Variants in GPR39 observed in about 807,000 individuals in gnomAD.
GPR39 encodes G protein-coupled receptor 39.
GPR39 carries 23 observed loss-of-function variants against 18.4 expected under a neutral mutation model. The ratio of observed to expected loss-of-function variants is 1.25; its 90% confidence interval spans 0.90 to 1.77. The LOEUF is 1.77. GPR39 is among the 40% of genes most tolerant of loss of function. GPR39 has a pLI of 0.00. For missense variants in GPR39, 647 were observed against 602.4 expected, an observed-to-expected ratio of 1.07 and a Z score of -0.78; for synonymous variants, 280 against 257.9, an observed-to-expected ratio of 1.09 and a Z score of -0.82.
chr2:132,529,498 A>G (rs1573648685), intron 1 of GPR39, among the ~76,000 whole-genome samples: 1 of 152,338 alleles, frequency 6.6e-6, no homozygotes, highest in East Asian at 1.9e-4. Flanking sequence ...CAGCTTTGAA[A>G]AGAGTAGTGG....
At chr2:132,644,130 G>A (rs1417020930) in intron 1 of GPR39, among the ~76,000 whole-genome samples, 1 of 152,210 alleles carries the variant, frequency 6.6e-6, no homozygotes, top group African/African-American at 2.4e-5. Flanking sequence ...AAACTCTCAT[G>A]ATACCTGTGA....
chr2:132,634,762 C>T (rs1681718051), intron 1 of GPR39, among the ~76,000 whole-genome samples: 1 of 152,174 alleles, frequency 6.6e-6, no homozygotes, highest in Non-Finnish European at 1.5e-5. Context: ...GGAAGGGCCC[C>T]CCTCAGGTGA....
chr2:132,498,844 A>G lies in GPR39; in HGVS notation c.856+80946A>G, dbSNP rs141395122. ...TGCTGAGCATTTTTCCACATACTTA[A>G]TGGCCATTTGTGTATCTTCTTTTGA... On this transcript the variant is annotated intron_variant, in intron 1 of 1. Transcript: ENST00000329321. Among the ~76,000 whole-genome samples the G allele has an allele frequency of 3.9e-4, 60 of 152,142 alleles. 1 individual carries two copies. In the East Asian group the frequency reaches 9.7e-3, roughly 25 times the overall value.
At chr2:132,580,086 G>A (rs1483667111) in intron 1 of GPR39, among the ~76,000 whole-genome samples, 6 of 152,192 alleles carry the variant, frequency 3.9e-5, no homozygotes, top group African/African-American at 1.4e-4. Flanking sequence ...ACAAGTATGG[G>A]CTTTAGAGGC....
In GPR39 at chr2:132,645,669, ACT is replaced by A; in HGVS notation, c.*66_*67del. 1 of 1,550,054 alleles carries A rather than the reference ACT, an allele frequency of 6.5e-7. No homozygotes were observed. The highest frequency in any genetic ancestry group is 1.4e-5 in the African/African-American group (1 of 72,842). On this transcript the variant is annotated 3_prime_UTR_variant, in exon 2 of 2. Transcript: ENST00000329321. ...CCAGCCCTAAGAAAACGTCACTCTC[ACT>A]CTGCAGTCTCAAACTATGCCCCCAT...
At chr2:132,533,633 G>C (rs1273584158) in intron 1 of GPR39, among the ~76,000 whole-genome samples, 2 of 152,082 alleles carry the variant, frequency 1.3e-5, no homozygotes, top group African/African-American at 4.8e-5. Context: ...GCATGGTACT[G>C]GTACCACAAC....
chr2:132,606,003 C>T (rs1399080378), intron 1 of GPR39: 4 of 152,248 alleles, frequency 2.6e-5, no homozygotes, highest in African/African-American at 9.7e-5. Flanking sequence ...TGCAAAGCCT[C>T]ACCCTGAGAA....
intron 1 of GPR39, among the ~76,000 whole-genome samples, chr2:132,576,470 T>C (rs758651521): frequency 2.0e-5 from 3 of 151,980 alleles, no homozygotes; most frequent in African/African-American, 7.3e-5. Context: ...CTGGCCAACA[T>C]GGCAAAACCC....
At chr2:132,454,073 G>A (rs535826895) in intron 1 of GPR39, among the ~76,000 whole-genome samples, 5 of 152,150 alleles carry the variant, frequency 3.3e-5, no homozygotes, top group East Asian at 3.9e-4. Flanking sequence ...ACTTTGGGCA[G>A]TATGGCCATT....
intron 1 of GPR39, among the ~76,000 whole-genome samples, chr2:132,492,234 A>G (rs1336536662): frequency 2.1e-5 from 3 of 144,318 alleles, no homozygotes; most frequent in Admixed American, 7.0e-5. Context: ...TATATATACC[A>G]TATATATACA....
chr2:132,490,444 G>T (rs544248163), intron 1 of GPR39, among the ~76,000 whole-genome samples: 1 of 151,826 alleles, frequency 6.6e-6, no homozygotes, highest in African/African-American at 2.4e-5. Flanking sequence ...GATATTTAAC[G>T]TATACTTAAT....
intron 1 of GPR39, among the ~76,000 whole-genome samples, chr2:132,561,318 T>C (rs1306659139): frequency 6.6e-6 from 1 of 152,140 alleles, no homozygotes; most frequent in East Asian, 1.9e-4. Context: ...ACCATTTCTC[T>C]TCTACAGAAA....
intron 1 of GPR39, among the ~76,000 whole-genome samples, chr2:132,529,443 C>G (rs1289829953): frequency 6.6e-6 from 1 of 152,230 alleles, no homozygotes; most frequent in Non-Finnish European, 1.5e-5. Flanking sequence ...CACAGACAAA[C>G]AAAAGGCAGC....
At chr2:132,565,404 T>G (rs1327748432) in intron 1 of GPR39, among the ~76,000 whole-genome samples, 1 of 151,664 alleles carries the variant, frequency 6.6e-6, no homozygotes, top group African/African-American at 2.4e-5. Flanking sequence ...TCCTTTTTTT[T>G]TTTTTTTTAT....
At chr2:132,542,258 T>A (rs1013576507) in intron 1 of GPR39, among the ~76,000 whole-genome samples, 1 of 152,166 alleles carries the variant, frequency 6.6e-6, no homozygotes, top group African/African-American at 2.4e-5. Flanking sequence ...TCACTACCTC[T>A]ATTACTATAG....
chr2:132,618,045 C>G (rs1311028146), intron 1 of GPR39, among the ~76,000 whole-genome samples: 1 of 152,190 alleles, frequency 6.6e-6, no homozygotes, highest in East Asian at 1.9e-4. Context: ...ATTGATTCCC[C>G]CTAAATATGT....
At chr2:132,477,247 G>A (rs1401354921) in intron 1 of GPR39, among the ~76,000 whole-genome samples, 1 of 152,142 alleles carries the variant, frequency 6.6e-6, no homozygotes, top group Non-Finnish European at 1.5e-5. Context: ...GGAAGAGGAG[G>A]CGCCTGAACA....
At chr2:132,420,574 T>G (rs561974093) in intron 1 of GPR39, among the ~76,000 whole-genome samples, 3 of 152,360 alleles carry the variant, frequency 2.0e-5, no homozygotes, top group African/African-American at 7.2e-5. Context: ...AATAAATATT[T>G]GCTTATTTCA....
At chr2:132,577,453 T>C (rs1680549648) in intron 1 of GPR39, among the ~76,000 whole-genome samples, 2 of 152,238 alleles carry the variant, frequency 1.3e-5, no homozygotes, top group South Asian at 4.1e-4. Flanking sequence ...TTGAAAGGAA[T>C]TGTATTAAAT....
Sources: gnomAD v4.1 joint callset for allele counts (sites outside exome capture counted in the v4.1 genomes callset) on GRCh38, gnomAD v4.1.1 for gene constraint, MANE v1.5 for transcripts, NCBI Gene and HGNC (gene_info 2026-07-23, HGNC 2026-07-21) for gene names.